Variants in SCUBE1 observed in about 807,000 individuals in gnomAD.
SCUBE1 encodes signal peptide, CUB domain and EGF like domain containing 1.
SCUBE1 carries 59 observed loss-of-function variants against 124.4 expected under a neutral mutation model. The observed-to-expected ratio is 0.47, with a 90% CI of 0.38 to 0.59. The LOEUF (loss-of-function observed/expected upper bound fraction) is 0.59. Among genes scored for constraint, SCUBE1 ranks in the 20% least tolerant of loss-of-function variants. The pLI, the probability that SCUBE1 is intolerant of heterozygous loss-of-function variation, is 0.00. For missense variants in SCUBE1, 1,150 were observed against 1,371.2 expected, an observed-to-expected ratio of 0.84 and a Z score of 2.55; for synonymous variants, 545 against 550.9, an observed-to-expected ratio of 0.99 and a Z score of 0.15.
chr22:43,216,359 T>C (rs912114092), intron 15 of SCUBE1, among the ~76,000 whole-genome samples: 21 of 149,850 alleles, frequency 1.4e-4, no homozygotes, highest in Admixed American at 1.1e-3. Context: ...AAATAAGTTA[T>C]TGAAAGTAGA....
intron 15 of SCUBE1, 83 bp from the exon 16 acceptor site, chr22:43,214,334 C>A: frequency 7.2e-7 from 1 of 1,392,026 alleles, no homozygotes; most frequent in Non-Finnish European, 9.8e-7. Context: ...CCCAGGCTCT[C>A]CTGATAGACA....
At chr22:43,223,950 A>G (rs1922204766) in intron 10 of SCUBE1, among the ~76,000 whole-genome samples, 2 of 152,080 alleles carry the variant, frequency 1.3e-5, no homozygotes, top group Admixed American at 1.3e-4. Context: ...ACTCCCATCA[A>G]CCTAATCCCA....
At chr22:43,270,370 C>G (rs1217471606) in intron 4 of SCUBE1, 1 of 152,270 alleles carries the variant, frequency 6.6e-6, no homozygotes, top group Non-Finnish European at 1.5e-5. Flanking sequence ...GTTACGTCCA[C>G]TTAACAGCTG....
chr22:43,301,833 C>A (rs1234508176), intron 3 of SCUBE1, among the ~76,000 whole-genome samples: 1 of 152,228 alleles, frequency 6.6e-6, no homozygotes, highest in Non-Finnish European at 1.5e-5. Flanking sequence ...CTGAGCACTT[C>A]CAAAAGTGTG....
intron 21 of SCUBE1, among the ~76,000 whole-genome samples, chr22:43,205,987 ACC>A (rs147345717): frequency 2.2e-4 from 12 of 53,818 alleles, no homozygotes; most frequent in African/African-American, 1.0e-3. Context: ...TCACACCTCC[ACC>A]CCCACTCATC....
intron 15 of SCUBE1, among the ~76,000 whole-genome samples, chr22:43,216,681 A>G (rs1243695204): frequency 6.6e-6 from 1 of 151,950 alleles, no homozygotes; most frequent in Non-Finnish European, 1.5e-5. Context: ...AAAAAAAGAA[A>G]GTAGAAGATG....
intron 5 of SCUBE1, among the ~76,000 whole-genome samples, chr22:43,259,667 G>A (rs1923800636): frequency 6.6e-6 from 1 of 152,200 alleles, no homozygotes; most frequent in Non-Finnish European, 1.5e-5. Context: ...AGCGGGCGAG[G>A]AGGATGTCAA....
intron 3 of SCUBE1, among the ~76,000 whole-genome samples, chr22:43,308,047 CT>C (rs1926037250): frequency 1.4e-5 from 2 of 146,088 alleles, no homozygotes; most frequent in Admixed American, 1.4e-4. Context: ...TCAAAGGCCA[CT>C]CCACCCCGAA....
intron 4 of SCUBE1, among the ~76,000 whole-genome samples, chr22:43,268,755 A>G (rs566516074): frequency 5.9e-5 from 9 of 152,314 alleles, no homozygotes; most frequent in African/African-American, 1.9e-4. Flanking sequence ...GGGTGCAGAT[A>G]GGCTGTTGTG....
chr22:43,293,883 C>T (rs574488200), intron 3 of SCUBE1, among the ~76,000 whole-genome samples: 1 of 152,334 alleles, frequency 6.6e-6, no homozygotes, highest in South Asian at 2.1e-4. Context: ...CGAGGAAGCT[C>T]CCTGGCGCCG....
intron 10 of SCUBE1, among the ~76,000 whole-genome samples, chr22:43,225,377 G>T (rs898453296): frequency 6.6e-6 from 1 of 152,090 alleles, no homozygotes; most frequent in Admixed American, 6.5e-5. Context: ...TCAGGATATC[G>T]CTGGATAGTT....
intron 19 of SCUBE1, 72 bp downstream of exon 19, chr22:43,209,971 G>A (rs1236769634): frequency 1.0e-5 from 15 of 1,478,064 alleles, no homozygotes; most frequent in Non-Finnish European, 1.4e-5. Flanking sequence ...GATCCCGCCT[G>A]GCAGAACCGC....
intron 1 of SCUBE1, 41 bp downstream of exon 1, chr22:43,343,132 GC>G (rs1056299458): frequency 3.9e-6 from 4 of 1,027,282 alleles, no homozygotes; most frequent in Non-Finnish European, 4.8e-6. Flanking sequence ...GGCCGCCCGA[GC>G]CCCCCGCGCC....
intron 3 of SCUBE1, among the ~76,000 whole-genome samples, chr22:43,300,514 C>T (rs547585613): frequency 1.3e-5 from 2 of 152,178 alleles, no homozygotes; most frequent in African/African-American, 4.8e-5. Context: ...GTCACAAAGA[C>T]TCCAGGTGGG....
At chr22:43,323,429 G>A (rs1260612132) in intron 2 of SCUBE1, among the ~76,000 whole-genome samples, 2 of 151,888 alleles carry the variant, frequency 1.3e-5, no homozygotes, top group Non-Finnish European at 1.5e-5. Flanking sequence ...AATATCCAGT[G>A]TGCTGACCAC....
intron 1 of SCUBE1, 148 bp from the exon 2 acceptor site, chr22:43,339,383 T>A: frequency 1.4e-6 from 1 of 728,706 alleles, no homozygotes; most frequent in Non-Finnish European, 2.2e-6. Context: ...GACAATCTGG[T>A]GTGACAAGTG....
intron 6 of SCUBE1, among the ~76,000 whole-genome samples, chr22:43,246,866 C>T (rs1308418329): frequency 2.1e-5 from 3 of 140,468 alleles, no homozygotes; most frequent in Admixed American, 7.0e-5. Context: ...CCTGTGACTT[C>T]GTGGGGATGG....
rs978159983 is a variant in SCUBE1, at chr22:43,197,896, C to T, written c.*6101G>A. 7.2e-5 allele frequency: 11 copies of T among 152,366 alleles called. No individual in the cohort carries two copies. Among genetic ancestry groups the T allele is most frequent in the African/African-American group, 2.4e-4 (10 of 41,478 alleles). 9.4% of individuals were successfully genotyped at this position (152,366 alleles called of 1,614,324 possible). On this transcript the variant is annotated 3_prime_UTR_variant, in exon 22 of 22. Transcript: ENST00000360835. Reference sequence around the variant, plus strand: ...GGGATCCTCCTGTTCTCTCCCCTCCCTGCAGCCTTCTCTCTGTCTCTGGAC... The same window carrying T: ...GGGATCCTCCTGTTCTCTCCCCTCCTTGCAGCCTTCTCTCTGTCTCTGGAC...
rs1921083349 is a variant in SCUBE1 at position 43,203,360 on chromosome 22, G to GTATATATATATATTTATATATATA, written c.*613_*636dup. ...TTTCCTAAAGTACCCACAAATAGAA[G>GTATATATATATATTTATATATATA]TATATATATATATTTATATATATAT... On this transcript the variant is annotated 3_prime_UTR_variant, in exon 22 of 22. Coordinates refer to ENST00000360835, the MANE Select transcript of SCUBE1 (RefSeq NM_173050.5). The GTATATATATATATTTATATATATA allele has an allele frequency of 6.8e-6, 1 of 146,766 alleles. No individual in the cohort carries two copies. The highest frequency in any genetic ancestry group is 1.5e-5 in the Non-Finnish European group (1 of 66,712). The allele number at this position is 146,766 out of a possible 1,614,324, so 9.1% of individuals were successfully genotyped here.
Sources: gnomAD v4.1 joint callset for allele counts (sites outside exome capture counted in the v4.1 genomes callset) on GRCh38, gnomAD v4.1.1 for gene constraint, MANE v1.5 for transcripts, NCBI Gene and HGNC (gene_info 2026-07-23, HGNC 2026-07-21) for gene names.